ACSL4: variants seen among roughly 807,000 people sequenced by gnomAD.
ACSL4 encodes acyl-CoA synthetase long chain family member 4.
Under a neutral mutation model 49.1 loss-of-function variants are expected in ACSL4, and 9 were observed. The observed-to-expected ratio is 0.18, with a 90% confidence interval of 0.11 to 0.32. The LOEUF is 0.32. ACSL4 is among the 10% of genes least tolerant of loss of function. ACSL4 has a pLI of 1.00. For synonymous variants in ACSL4, 191 were observed against 170.3 expected, an observed-to-expected ratio of 1.12 and a Z score of -0.95; for missense variants, 333 against 493.7, an observed-to-expected ratio of 0.67 and a Z score of 3.08.
intron 1 of ACSL4, among the ~76,000 whole-genome samples, chrX:109,703,157 GC>G (rs1324620381): frequency 8.9e-6 from 1 of 111,886 alleles, no homozygotes; most frequent in Non-Finnish European, 1.9e-5. Context: ...GAAAAACACA[GC>G]TGATACCATC....
intron 1 of ACSL4, among the ~76,000 whole-genome samples, chrX:109,718,446 C>T (rs1348267488): frequency 2.7e-5 from 3 of 112,440 alleles, no homozygotes; most frequent in Non-Finnish European, 5.6e-5. Context: ...TTTCAATATA[C>T]TACTTAGCTT....
chrX:109,718,271 C>T (rs753305047), intron 1 of ACSL4, among the ~76,000 whole-genome samples: 1 of 112,107 alleles, frequency 8.9e-6, no homozygotes, highest in South Asian at 3.6e-4. Flanking sequence ...TTCTTTCAAC[C>T]GAAGTGAGCT....
intron 15 of ACSL4, among the ~76,000 whole-genome samples, chrX:109,657,420 A>G (rs1424278333): frequency 1.2e-5 from 1 of 86,733 alleles, no homozygotes. Flanking sequence ...TCCTGTGTCC[A>G]AGTGTTCTCG....
intron 14 of ACSL4, among the ~76,000 whole-genome samples, chrX:109,660,180 G>C: frequency 9.0e-6 from 1 of 110,622 alleles, no homozygotes; most frequent in Middle Eastern, 4.7e-3. Flanking sequence ...AAAAAAATTT[G>C]CAAATCATAT....
intron 12 of ACSL4, among the ~76,000 whole-genome samples, chrX:109,664,798 G>A (rs1366172469): frequency 2.7e-5 from 3 of 111,537 alleles, no homozygotes; most frequent in Non-Finnish European, 3.8e-5. Flanking sequence ...TGGCTAGGCT[G>A]TTAATTATTT....
rs765371558 is a variant in ACSL4, at chrX:109,671,428, T to C, written c.1003-2255A>G. ...CGGGAGCTGGGGGGCAGCCCCCGCCTGGCCAGCCACCCCATCCGGGAGGTG... is the reference window on the plus strand; with the variant it reads ...CGGGAGCTGGGGGGCAGCCCCCGCCCGGCCAGCCACCCCATCCGGGAGGTG... On this transcript the variant is annotated intron_variant, in intron 9 of 15. Transcript: ENST00000672401. 5.5e-3 allele frequency among the ~76,000 whole-genome samples: 594 copies of C among 107,947 alleles called. 6 individuals carry two copies. Among genetic ancestry groups the C allele is most frequent in the African/African-American group, 0.017 (502 of 29,527 alleles). The allele number at this position is 107,947 out of a possible 115,157, so 93.7% of individuals were successfully genotyped here. A position where few individuals can be genotyped will look rare whatever the true frequency, so the allele number is the denominator to read the frequency against.
chrX:109,722,088 G>T (rs1177230728), intron 1 of ACSL4, among the ~76,000 whole-genome samples: 1 of 111,735 alleles, frequency 8.9e-6, no homozygotes, highest in Non-Finnish European at 1.9e-5. Context: ...CTACCAGGTA[G>T]AATCTTGTTT....
In ACSL4 at chrX:109,660,410, A is replaced by G. The variant is rs185953192; in HGVS notation, c.1698-899T>C. Among the ~76,000 whole-genome samples, 22 of 112,102 alleles carry G rather than the reference A, an allele frequency of 2.0e-4. No individual in the cohort carries two copies. In the Admixed American group the frequency reaches 2.0e-3, roughly 10 times the overall value. ...AAAATATCCCCTCACATCCATGAGGATGACTACTATATAAAACAAACAAGT... is the reference window on the plus strand; with the variant it reads ...AAAATATCCCCTCACATCCATGAGGGTGACTACTATATAAAACAAACAAGT... On this transcript the variant is annotated intron_variant, in intron 14 of 15. Coordinates refer to ENST00000672401, the MANE Select transcript of ACSL4 (RefSeq NM_001318510.2).
chrX:109,683,496 G>A, intron 2 of ACSL4, 121 bp from the exon 3 acceptor site: 1 of 1,179,982 alleles, frequency 8.5e-7, no homozygotes, highest in Non-Finnish European at 1.2e-6. Context: ...TAGTGGAAAG[G>A]CTTCTAAAAT....
intron 15 of ACSL4, among the ~76,000 whole-genome samples, chrX:109,647,203 A>G (rs947009244): frequency 9.0e-6 from 1 of 111,680 alleles, no homozygotes; most frequent in Non-Finnish European, 1.9e-5. Context: ...TCTCCACTCC[A>G]AATCAACAGA....
rs1289869741 is a variant in ACSL4, at chrX:109,645,662, G to A, written c.1856-1476C>T. ...AGTTCCTCACCAGCAACGGAACAAA[G>A]CTGGACGGAGAATGACTCTGGCGAG... On this transcript the variant is annotated intron_variant, in intron 15 of 15. Coordinates refer to ENST00000672401, the MANE Select transcript of ACSL4 (RefSeq NM_001318510.2). 4.4e-5 allele frequency among the ~76,000 whole-genome samples: 5 copies of A among 112,601 alleles called. No homozygotes were observed. The South Asian group carries it at 1.8e-3, about 41-fold the overall frequency.
At chrX:109,664,901 A>G (rs1214150041) in intron 12 of ACSL4, among the ~76,000 whole-genome samples, 2 of 111,926 alleles carry the variant, frequency 1.8e-5, no homozygotes, top group Non-Finnish European at 3.8e-5. Flanking sequence ...CAGCTAATTT[A>G]TAGAAAGGAT....
At chrX:109,721,014 G>A (rs985130534) in intron 1 of ACSL4, among the ~76,000 whole-genome samples, 3 of 111,941 alleles carry the variant, frequency 2.7e-5, no homozygotes, top group Non-Finnish European at 3.8e-5. Flanking sequence ...TATTTCTGCC[G>A]AGTTCTACCC....
At chrX:109,706,852 T>C (rs979955718) in intron 1 of ACSL4, among the ~76,000 whole-genome samples, 11 of 112,504 alleles carry the variant, frequency 9.8e-5, no homozygotes, top group African/African-American at 3.6e-4. Flanking sequence ...AGAAAGTGAT[T>C]GTTACCTTAA....
At position 109,703,131 on chromosome X, in the gene ACSL4, T is replaced by C. The variant is rs189340308; in HGVS notation, c.-65-6935A>G. ...TATTACTTCATTGCAAAGGGGAAAA[T>C]GATAACATTACTGTGGAAAAACACA... On this transcript the variant is annotated intron_variant, in intron 1 of 15. Transcript: ENST00000672401. 1.7e-3 allele frequency among the ~76,000 whole-genome samples: 191 copies of C among 111,764 alleles called. 1 individual carries two copies. Among genetic ancestry groups the C allele is most frequent in the African/African-American group, 5.8e-3 (177 of 30,767 alleles).
rs1934459292 is a variant in ACSL4 at position 109,642,026 on chromosome X, A to C, written c.*2003T>G. ...GTGGCATCTCCCTGGTCCCTTAACAATATTTGGATTTTTGCAAAGAATTAG... is the reference window on the plus strand; with the variant it reads ...GTGGCATCTCCCTGGTCCCTTAACACTATTTGGATTTTTGCAAAGAATTAG... On this transcript the variant is annotated 3_prime_UTR_variant, in exon 16 of 16. Coordinates refer to ENST00000672401, the MANE Select transcript of ACSL4 (RefSeq NM_001318510.2). 1 of 112,012 alleles carries C rather than the reference A, an allele frequency of 8.9e-6. No homozygotes were observed. The highest frequency in any genetic ancestry group is 1.9e-5 in the Non-Finnish European group (1 of 53,079). 9.2% of individuals were successfully genotyped at this position (112,012 alleles called of 1,213,427 possible). A position where few individuals can be genotyped will look rare whatever the true frequency, so the allele number is the denominator to read the frequency against.
In ACSL4 at chrX:109,686,776, GCACA is replaced by G. The variant is rs35736807; in HGVS notation, c.-12-3405_-12-3402del. 5.0e-3 allele frequency among the ~76,000 whole-genome samples: 499 copies of G among 98,866 alleles called. 8 individuals carry two copies. The highest frequency in any genetic ancestry group is 0.015 in the African/African-American group (421 of 27,306). The allele number at this position is 98,866 out of a possible 115,157, so 85.9% of individuals were successfully genotyped here. A position where few individuals can be genotyped will look rare whatever the true frequency, so the allele number is the denominator to read the frequency against. On this transcript the variant is annotated intron_variant, in intron 2 of 15. Coordinates refer to ENST00000672401, the MANE Select transcript of ACSL4 (RefSeq NM_001318510.2). The stretch of plus-strand genomic sequence containing the variant: ...TTAGTACAGACACACACACACGCAT[GCACA>G]CACACACACACACACACACACACAC...
intron 6 of ACSL4, 42 bp downstream of exon 6, chrX:109,680,956 C>T (rs199994697): frequency 2.3e-4 from 275 of 1,185,960 alleles, no homozygotes; most frequent in Middle Eastern, 5.2e-4. Flanking sequence ...AAATAACAAA[C>T]TTGGAATAGG....
chrX:109,686,759 GACACACACACACGCATGCACACAC>G (rs1364117356), intron 2 of ACSL4, among the ~76,000 whole-genome samples: 1 of 105,032 alleles, frequency 9.5e-6, no homozygotes, highest in Non-Finnish European at 1.9e-5. Context: ...GCTTAGTACA[GACACACACACACGCATGCACACAC>G]ACACACACAC....
Sources: gnomAD v4.1 joint callset for allele counts (sites outside exome capture counted in the v4.1 genomes callset) on GRCh38, gnomAD v4.1.1 for gene constraint, MANE v1.5 for transcripts, NCBI Gene and HGNC (gene_info 2026-07-23, HGNC 2026-07-21) for gene names.